Variants in PDGFRA observed in about 807,000 individuals in gnomAD.
PDGFRA encodes platelet derived growth factor receptor alpha.
PDGFRA carries 25 observed loss-of-function variants against 121.5 expected under a neutral mutation model. The ratio of observed to expected loss-of-function variants is 0.21; its 90% CI spans 0.15 to 0.29. PDGFRA has a LOEUF of 0.29. Ranked by LOEUF, PDGFRA falls within the 10% of genes least tolerant of loss-of-function variation. The pLI is 1.00. For missense variants in PDGFRA, 1,008 were observed against 1,345.1 expected (o/e 0.75, Z 3.92); for synonymous variants, 463 against 494.8 (o/e 0.94, Z 0.85).
At chr4:54,249,538 A>G (rs1721920098) in intron 1 of PDGFRA, among the ~76,000 whole-genome samples, 1 of 152,218 alleles carries the variant, frequency 6.6e-6, no homozygotes, top group Non-Finnish European at 1.5e-5. Flanking sequence ...GCAAGAAGAA[A>G]AAACCAAATG....
chr4:54,290,266 G>A, intron 21 of PDGFRA, 47 bp from the exon 22 acceptor site: 1 of 1,494,620 alleles, frequency 6.7e-7, no homozygotes, highest in Non-Finnish European at 9.3e-7. Context: ...CATTTTTGAG[G>A]TTTGGTTGTT....
At chr4:54,287,782 T>A (rs1001252334) in intron 19 of PDGFRA, among the ~76,000 whole-genome samples, 3 of 152,160 alleles carry the variant, frequency 2.0e-5, no homozygotes, top group Non-Finnish European at 4.4e-5. Flanking sequence ...CTCCTCTCCT[T>A]TGGGCTATGC....
Position 54,277,492 on chromosome 4 carries a change from CG to C in PDGFRA, c.1891+1del. ...GAAAGTTGCAGTGAAGATGCTAAAA[CG>C]TAAGTGCTCCTTCCTGGGGATTTTT... On this transcript the variant is annotated splice_donor_variant, in intron 13 of 22. Coordinates refer to ENST00000257290, the MANE Select transcript of PDGFRA (RefSeq NM_006206.6). LOFTEE classifies it high-confidence loss of function. 1 of 1,596,400 alleles carries C rather than the reference CG, an allele frequency of 6.3e-7. No homozygotes were observed. Among genetic ancestry groups the C allele is most frequent in the Non-Finnish European group, 8.6e-7 (1 of 1,163,958 alleles).
At chr4:54,290,888 C>T (rs1724599230) in intron 22 of PDGFRA, among the ~76,000 whole-genome samples, 1 of 152,120 alleles carries the variant, frequency 6.6e-6, no homozygotes, top group South Asian at 2.1e-4. Context: ...CTGCCATTGT[C>T]TTAAATAGTC....
At chr4:54,293,429 CTTTTT>C (rs35064429) in intron 22 of PDGFRA, among the ~76,000 whole-genome samples, 1 of 116,144 alleles carries the variant, frequency 8.6e-6, no homozygotes, top group African/African-American at 3.3e-5. Flanking sequence ...CCTAGAATTT[CTTTTT>C]TTTTTTTTTT....
At chr4:54,286,594 T>G (rs1038554429) in intron 18 of PDGFRA, among the ~76,000 whole-genome samples, 1 of 152,092 alleles carries the variant, frequency 6.6e-6, no homozygotes, top group Non-Finnish European at 1.5e-5. Context: ...TGGCCTCAAG[T>G]GATCTACCTG....
chr4:54,258,917 C>G, intron 2 of PDGFRA, 100 bp downstream of exon 2: 1 of 929,926 alleles, frequency 1.1e-6, no homozygotes, highest in Non-Finnish European at 1.8e-6. Context: ...ATACACAGTC[C>G]AAAAGAGTGA....
At chr4:54,256,530 G>A (rs1158065305) in intron 1 of PDGFRA, among the ~76,000 whole-genome samples, 2 of 150,822 alleles carry the variant, frequency 1.3e-5, no homozygotes, top group Non-Finnish European at 2.9e-5. Flanking sequence ...GAACCACCGT[G>A]CCCAGCCTCT....
At position 54,290,345 on chromosome 4, in the gene PDGFRA, G is replaced by T. The variant is rs1388812728; in HGVS notation, c.2913G>T (p.Lys971Asn). Residue 971 changes from lysine (K) to asparagine (N), a missense_variant, in exon 22 of 23, where the codon AAG (lysine) becomes AAT (asparagine). Coordinates refer to ENST00000257290, the MANE Select transcript of PDGFRA (RefSeq NM_006206.6). ...SYEKIHLDFLKSDHPAVARMR... is the reference protein window; with the variant it reads ...SYEKIHLDFLNSDHPAVARMR... The stretch of plus-strand genomic sequence containing the variant: ...AAAAAATTCACCTGGACTTCCTGAA[G>T]AGTGACCATCCTGCTGTGGCACGCA... 6.2e-7 allele frequency: 1 copy of T among 1,612,384 alleles called. No individual in the cohort carries two copies. The highest frequency in any genetic ancestry group is 1.1e-5 in the South Asian group (1 of 91,056).
intron 12 of PDGFRA, among the ~76,000 whole-genome samples, chr4:54,275,404 A>G (rs1723666087): frequency 6.6e-6 from 1 of 152,242 alleles, no homozygotes; most frequent in African/African-American, 2.4e-5. Context: ...GGAATATGGA[A>G]TATAAAAATA....
Position 54,285,405 on chromosome 4 carries a change from C to T in PDGFRA, c.2358C>T (p.Asn786=), listed in dbSNP as rs749224305. 1.9e-6 allele frequency: 3 copies of T among 1,554,586 alleles called. No individual in the cohort carries two copies. Among genetic ancestry groups the T allele is most frequent in the African/African-American group, 1.4e-5 (1 of 73,696 alleles). Residue 786 remains asparagine (N), a synonymous_variant, in exon 17 of 23, where the codon AAC becomes AAT. Coordinates refer to ENST00000257290, the MANE Select transcript of PDGFRA (RefSeq NM_006206.6). ...SEVKNLLSDD[N]SEGLTLLDLL... ...TCAAAAACCTCCTTTCAGATGATAA[C>T]TCAGAAGGCCTTACTTTATTGGATT...
Position 54,288,995 on chromosome 4 carries a change from T to A in PDGFRA, c.2775-14T>A, listed in dbSNP as rs766102359. The A allele has an allele frequency of 2.5e-6, 4 of 1,586,410 alleles. No homozygotes were observed. In the African/African-American group the frequency reaches 5.4e-5, roughly 21 times the overall value. On this transcript the variant is annotated splice_polypyrimidine_tract_variant and intron_variant, in intron 20 of 22. Coordinates refer to ENST00000257290, the MANE Select transcript of PDGFRA (RefSeq NM_006206.6). ...ACTTCCCCCTGTGCCCACTCTTGAG[T>A]TCTGTCCCCACAGCTACGAGATCAT...
At chr4:54,257,067 TGAA>T (rs1722413919) in intron 1 of PDGFRA, among the ~76,000 whole-genome samples, 2 of 152,144 alleles carry the variant, frequency 1.3e-5, no homozygotes, top group East Asian at 3.9e-4. Flanking sequence ...TAGGATGCAA[TGAA>T]GAAGGAAGCC....
intron 1 of PDGFRA, among the ~76,000 whole-genome samples, chr4:54,232,972 G>T (rs1224345408): frequency 1.3e-5 from 2 of 152,172 alleles, no homozygotes; most frequent in Non-Finnish European, 2.9e-5. Context: ...TGCGGCTCTC[G>T]TGCCCATAGG....
chr4:54,259,028 G>C (rs529044810), intron 2 of PDGFRA, among the ~76,000 whole-genome samples: 3 of 152,326 alleles, frequency 2.0e-5, no homozygotes, highest in African/African-American at 4.8e-5. Flanking sequence ...ATGCTCTCCA[G>C]TGGCAGTTTT....
chr4:54,273,609 A>G lies in PDGFRA; in HGVS notation c.1437A>G (p.Arg479=), dbSNP rs1553904193. ...VSNIITEIHS[R]DRSTVEGRVT... The stretch of plus-strand genomic sequence containing the variant: ...ACATCATCACGGAGATCCACTCCCG[A>G]GACAGGAGTACCGTGGAGGGCCGTG... Residue 479 remains arginine (R), a synonymous_variant, in exon 10 of 23, where the codon CGA becomes CGG. Transcript: ENST00000257290. 6.2e-7 allele frequency: 1 copy of G among 1,614,018 alleles called. No homozygotes were observed. The highest frequency in any genetic ancestry group is 8.5e-7 in the Non-Finnish European group (1 of 1,179,918).
At chr4:54,286,409 G>A (rs1008046593) in intron 18 of PDGFRA, among the ~76,000 whole-genome samples, 5 of 151,542 alleles carry the variant, frequency 3.3e-5, no homozygotes, top group African/African-American at 7.3e-5. Context: ...AGGCTGGAGT[G>A]CAGTGGCGCA....
chr4:54,294,122 T>A (rs1320401062), intron 22 of PDGFRA, among the ~76,000 whole-genome samples: 1 of 152,150 alleles, frequency 6.6e-6, no homozygotes, highest in East Asian at 1.9e-4. Context: ...TGGGACACAG[T>A]GGCCCATCAG....
chr4:54,287,356 C>A (rs933230500), intron 18 of PDGFRA, 74 bp from the exon 19 acceptor site: 1 of 782,296 alleles, frequency 1.3e-6, no homozygotes, highest in African/African-American at 1.7e-5. Context: ...CCAAGGGGAA[C>A]CCTTTTCTAT....
Sources: allele counts gnomAD v4.1 joint callset (sites outside exome capture counted in the v4.1 genomes callset), GRCh38; gene constraint gnomAD v4.1.1; transcripts MANE v1.5; gene names NCBI Gene and HGNC (gene_info 2026-07-23, HGNC 2026-07-21).